The following DLAT variants were observed in gnomAD, a reference collection of about 807,000 sequenced individuals.
DLAT encodes dihydrolipoyllysine-residue acetyltransferase component of pyruvate dehydrogenase complex, mitochondrial.
A neutral mutation model predicts 68.0 loss-of-function variants in DLAT; 43 were observed. The observed-to-expected ratio is 0.63, with a 90% CI of 0.50 to 0.81. The LOEUF (loss-of-function observed/expected upper bound fraction) is 0.81. Among genes scored for constraint, DLAT ranks in the 40% least tolerant of loss-of-function variants. DLAT has a pLI of 0.00. For synonymous variants in DLAT, 265 were observed against 288.6 expected, an observed-to-expected ratio of 0.92 and a Z score of 0.83; for missense variants, 745 against 815.4, an observed-to-expected ratio of 0.91 and a Z score of 1.05.
chr11:112,059,164 C>T (rs587658293), intron 11 of DLAT, among the ~76,000 whole-genome samples: 1 of 152,196 alleles, frequency 6.6e-6, no homozygotes, highest in Admixed American at 6.5e-5. Flanking sequence ...TCCCTTCACT[C>T]TTCCTTTCAT....
At position 112,061,112 on chromosome 11, in the gene DLAT, A is replaced by G; in HGVS notation, c.1752A>G (p.Gln584=). The G allele has an allele frequency of 6.2e-7, 1 of 1,614,074 alleles. No individual in the cohort carries two copies. ...TCTCTGCTATTATTAACCCACCTCAAGCATGTATTTTGGCAATTGGTGCTT... is the reference window on the plus strand; with the variant it reads ...TCTCTGCTATTATTAACCCACCTCAGGCATGTATTTTGGCAATTGGTGCTT... The part of the protein sequence containing the change: ...KNFSAIINPP[Q]ACILAIGASE... Residue 584 remains glutamine, a synonymous_variant, in exon 13 of 14, where the codon CAA becomes CAG. Coordinates refer to ENST00000280346, the MANE Select transcript of DLAT (RefSeq NM_001931.5).
intron 5 of DLAT, among the ~76,000 whole-genome samples, chr11:112,033,793 T>C (rs1461430275): frequency 6.6e-6 from 1 of 152,070 alleles, no homozygotes; most frequent in African/African-American, 2.4e-5. Flanking sequence ...TCATAGCTCA[T>C]TGTAGCCTTG....
intron 5 of DLAT, among the ~76,000 whole-genome samples, chr11:112,034,806 C>T (rs1389613333): frequency 6.7e-6 from 1 of 150,060 alleles, no homozygotes; most frequent in Non-Finnish European, 1.5e-5. Flanking sequence ...CAGAGTTTTG[C>T]TCTGTCACCC....
chr11:112,042,231 T>C (rs115066084), intron 7 of DLAT, among the ~76,000 whole-genome samples: 1,660 of 152,198 alleles, frequency 0.011, 36 homozygotes, highest in African/African-American at 0.038. Context: ...CCAAGAGAGA[T>C]AGGGAAAAGG....
rs1411144648 is a variant in DLAT, at chr11:112,028,901, C to T, written c.616C>T (p.Pro206Ser). ...TGCTGCCACTGCTTCGCCACCTACA[C>T]CTTCTGCTCAGGCTCCTGGTAGCTC... ...TPAATASPPTPSAQAPGSSYP... is the reference protein window; with the variant it reads ...TPAATASPPTSSAQAPGSSYP... The change falls in exon 4 of 14, where the codon CCT becomes TCT. Residue 206 changes from proline to serine, a missense_variant. Coordinates refer to ENST00000280346, the MANE Select transcript of DLAT (RefSeq NM_001931.5). 1 of 1,614,176 alleles carries T rather than the reference C, an allele frequency of 6.2e-7. No individual in the cohort carries two copies. The highest frequency in any genetic ancestry group is 1.1e-5 in the South Asian group (1 of 91,084).
intron 10 of DLAT, among the ~76,000 whole-genome samples, chr11:112,046,414 G>A (rs1037934123): frequency 4.0e-5 from 6 of 151,540 alleles, no homozygotes; most frequent in African/African-American, 1.5e-4. Flanking sequence ...TCATATATGT[G>A]AGAATTTTAT....
In DLAT at chr11:112,025,797, C is replaced by T. The variant is rs144520524; in HGVS notation, c.279+46C>T. 79 of 1,608,442 alleles carry T rather than the reference C, an allele frequency of 4.9e-5. No homozygotes were observed. The African/African-American group carries it at 9.2e-4, about 19-fold the overall frequency. On this transcript the variant is annotated intron_variant, in intron 1 of 13. Transcript: ENST00000280346. ...CTCGGGACCCCGTTGTCCTTCAGAGCTGACTGGATGCCTGCAAGATCCTCC... is the reference window on the plus strand; with the variant it reads ...CTCGGGACCCCGTTGTCCTTCAGAGTTGACTGGATGCCTGCAAGATCCTCC...
At chr11:112,048,336 T>C (rs1445347935) in intron 10 of DLAT, among the ~76,000 whole-genome samples, 1 of 152,236 alleles carries the variant, frequency 6.6e-6, no homozygotes, top group African/African-American at 2.4e-5. Flanking sequence ...GAGACTTCAC[T>C]GAAGTTGCTT....
intron 11 of DLAT, among the ~76,000 whole-genome samples, chr11:112,056,091 C>T (rs1448443435): frequency 6.6e-6 from 1 of 151,800 alleles, no homozygotes; most frequent in Non-Finnish European, 1.5e-5. Flanking sequence ...TGGTCTCAAT[C>T]TCTTGACTTT....
Position 112,062,675 on chromosome 11 carries a change from A to G in DLAT, c.*140A>G, listed in dbSNP as rs986337445. The G allele has an allele frequency of 1.4e-5, 14 of 1,007,730 alleles. No homozygotes were observed. Among genetic ancestry groups the G allele is most frequent in the Non-Finnish European group, 1.9e-5 (13 of 683,114 alleles). The allele number at this position is 1,007,730 out of a possible 1,614,324, so 62.4% of individuals were successfully genotyped here. ...AGTCTGTCCAGATAAGTTATTTATAATGGGCATTACTGAATTTTTAAAATG... is the reference window on the plus strand; with the variant it reads ...AGTCTGTCCAGATAAGTTATTTATAGTGGGCATTACTGAATTTTTAAAATG... On this transcript the variant is annotated 3_prime_UTR_variant, in exon 14 of 14. Coordinates refer to ENST00000280346, the MANE Select transcript of DLAT (RefSeq NM_001931.5).
intron 7 of DLAT, among the ~76,000 whole-genome samples, chr11:112,040,577 C>T (rs2137769444): frequency 6.6e-6 from 1 of 152,234 alleles, no homozygotes; most frequent in African/African-American, 2.4e-5. Context: ...CCCGTATCTG[C>T]AATTTGCTAT....
Position 112,026,304 on chromosome 11 carries a change from GT to G in DLAT, c.381+22del, listed in dbSNP as rs5794771. ...GAAGGTGACCTAATTGCAGAGGTAA[GT>G]TTTTTTTTTTTTTTTTAATTAATTT... On this transcript the variant is annotated splice_donor_region_variant and intron_variant, in intron 2 of 13. Transcript: ENST00000280346. 119,002 of 1,020,726 alleles carry G rather than the reference GT, an allele frequency of 0.12. 509 individuals carry two copies. Among genetic ancestry groups the G allele is most frequent in the Non-Finnish European group, 0.12 (92,840 of 757,844 alleles). The allele number at this position is 1,020,726 out of a possible 1,614,324, so 63.2% of individuals were successfully genotyped here. A position where few individuals can be genotyped will look rare whatever the true frequency, so the allele number is the denominator to read the frequency against.
intron 2 of DLAT, 47 bp from the exon 3 acceptor site, chr11:112,028,468 T>TA (rs782410392): frequency 6.5e-6 from 10 of 1,535,262 alleles, no homozygotes; most frequent in Non-Finnish European, 7.2e-6. Context: ...GCTAATAAAT[T>TA]ACATACCAAC....
At chr11:112,042,236 A>C (rs1349432408) in intron 7 of DLAT, among the ~76,000 whole-genome samples, 8 of 152,114 alleles carry the variant, frequency 5.3e-5, no homozygotes, top group African/African-American at 1.9e-4. Flanking sequence ...AGAGATAGGG[A>C]AAAGGGTTTA....
intron 3 of DLAT, 38 bp from the exon 4 acceptor site, chr11:112,028,754 T>A: frequency 4.3e-6 from 7 of 1,614,186 alleles, no homozygotes; most frequent in Non-Finnish European, 5.9e-6. Context: ...GAAAGCTGAA[T>A]CTGCCCATTA....
intron 11 of DLAT, among the ~76,000 whole-genome samples, chr11:112,058,616 A>AGGGGGGGGGTGGGGGAAG (rs587768977): frequency 1.7e-5 from 1 of 59,014 alleles, no homozygotes; most frequent in Non-Finnish European, 3.0e-5. Flanking sequence ...GGGTGGGGGA[A>AGGGGGGGGGTGGGGGAAG]GGGGGGGGTG....
intron 7 of DLAT, among the ~76,000 whole-genome samples, chr11:112,041,602 G>C (rs921034131): frequency 1.3e-4 from 20 of 152,158 alleles, no homozygotes; most frequent in Admixed American, 5.2e-4. Context: ...GCCAGTGTTG[G>C]CCAGGCGCAA....
intron 4 of DLAT, among the ~76,000 whole-genome samples, chr11:112,031,638 A>G (rs1862400068): frequency 6.6e-6 from 1 of 151,826 alleles, no homozygotes; most frequent in Non-Finnish European, 1.5e-5. Flanking sequence ...GCAGTGGTGC[A>G]ATCTTAGCTC....
chr11:112,029,628 C>G (rs1862286220), intron 4 of DLAT, among the ~76,000 whole-genome samples: 1 of 151,728 alleles, frequency 6.6e-6, no homozygotes, highest in Admixed American at 6.6e-5. Context: ...CCATCTCTAA[C>G]ATTGGGGATC....
Sources: gnomAD v4.1 joint callset for allele counts (sites outside exome capture counted in the v4.1 genomes callset) on GRCh38, gnomAD v4.1.1 for gene constraint, MANE v1.5 for transcripts, NCBI Gene and HGNC (gene_info 2026-07-23, HGNC 2026-07-21) for gene names.